OXSR1: variants seen among roughly 807,000 people sequenced by gnomAD.
OXSR1 encodes oxidative stress responsive kinase 1.
Under a neutral mutation model 79.8 loss-of-function variants are expected in OXSR1, and 24 were observed. That is an observed-to-expected ratio of 0.30 (90% CI 0.22 to 0.42). The LOEUF is 0.42. OXSR1 is among the 10% of genes least tolerant of loss of function. OXSR1 has a pLI of 1.00. For synonymous variants in OXSR1, 226 were observed against 209.2 expected (o/e 1.08, Z -0.69); for missense variants, 430 against 618.4 (o/e 0.70, Z 3.23).
Position 38,190,811 on chromosome 3 carries a change from G to C in OXSR1, c.264G>C (p.Leu88=). ...CATCTTTTGTGGTAAAAGATGAGCT[G>C]TGGCTTGTCATGAAGCTGCTAAGTG... ...YYTSFVVKDE[L]WLVMKLLSGG... The change falls in exon 3 of 18, where the codon CTG becomes CTC. Residue 88 remains leucine, a synonymous_variant. Coordinates refer to ENST00000311806, the MANE Select transcript of OXSR1 (RefSeq NM_005109.3). The C allele has an allele frequency of 6.2e-7, 1 of 1,604,462 alleles. No individual in the cohort carries two copies. Among genetic ancestry groups the C allele is most frequent in the Non-Finnish European group, 8.5e-7 (1 of 1,171,410 alleles).
chr3:38,252,854 G>A lies in OXSR1; in HGVS notation c.1547G>A (p.Gly516Asp), dbSNP rs1328112515. ...GAAGGCTCAGATATTCCTGATGATGGTAAACTGATAGGATTTGCCCAGCTC... is the reference window on the plus strand; with the variant it reads ...GAAGGCTCAGATATTCCTGATGATGATAAACTGATAGGATTTGCCCAGCTC... ...GVEGSDIPDD[G>D]KLIGFAQLSI... is the part of the protein sequence containing the mutation. The change falls in exon 18 of 18, where the codon GGT (glycine) becomes GAT (aspartate). Residue 516 changes from glycine to aspartate, a missense_variant. Physicochemically the swap from Gly to Asp is moderately conservative, Grantham distance 94. Coordinates refer to ENST00000311806, the MANE Select transcript of OXSR1 (RefSeq NM_005109.3). 2 of 1,613,762 alleles carry A rather than the reference G, an allele frequency of 1.2e-6. No individual in the cohort carries two copies. Among genetic ancestry groups the A allele is most frequent in the Non-Finnish European group, 1.7e-6 (2 of 1,179,750 alleles).
upstream of OXSR1, chr3:38,165,421 CT>C (rs1163030778): frequency 2.6e-4 from 47 of 177,532 alleles, no homozygotes; most frequent in Middle Eastern, 2.5e-3. Flanking sequence ...AGCTTGCTCA[CT>C]TTACATCCAG....
chr3:38,183,876 T>C (rs1359401576), intron 2 of OXSR1, among the ~76,000 whole-genome samples: 1 of 152,200 alleles, frequency 6.6e-6, no homozygotes, highest in Non-Finnish European at 1.5e-5. Context: ...GAAATTAGTT[T>C]TTAAAATTAC....
intron 4 of OXSR1, among the ~76,000 whole-genome samples, chr3:38,210,999 T>C (rs536779663): frequency 1.3e-5 from 2 of 152,300 alleles, no homozygotes; most frequent in South Asian, 4.1e-4. Context: ...GGGTAGTTGA[T>C]AGATGCAACA....
At chr3:38,235,498 C>G (rs1016385721) in intron 10 of OXSR1, among the ~76,000 whole-genome samples, 1 of 152,084 alleles carries the variant, frequency 6.6e-6, no homozygotes, top group Admixed American at 6.5e-5. Flanking sequence ...CAAAATAATT[C>G]AAGAAAAATG....
intron 1 of OXSR1, among the ~76,000 whole-genome samples, chr3:38,179,535 A>G (rs1341045219): frequency 1.3e-5 from 2 of 152,226 alleles, no homozygotes; most frequent in African/African-American, 2.4e-5. Context: ...ACAATTCAGC[A>G]TACTTACAGA....
At position 38,254,612 on chromosome 3, in the gene OXSR1, G is replaced by A. The variant is rs748830548; in HGVS notation, c.*1721G>A. 1 of 192,912 alleles carries A rather than the reference G, an allele frequency of 5.2e-6. No individual in the cohort carries two copies. The highest frequency in any genetic ancestry group is 1.1e-5 in the Non-Finnish European group (1 of 94,998). 12.0% of individuals were successfully genotyped at this position (192,912 alleles called of 1,614,324 possible). ...CTTTTCTTTTTCTTTTTTTGTGGAG[G>A]GGGGACGGAGAGGAACAAGGATGGG... is the stretch of plus-strand genomic sequence containing the variant. On this transcript the variant is annotated 3_prime_UTR_variant, in exon 18 of 18. Transcript: ENST00000311806.
chr3:38,249,872 T>G, intron 14 of OXSR1, 94 bp from the exon 15 acceptor site: 1 of 787,988 alleles, frequency 1.3e-6, no homozygotes, highest in Non-Finnish European at 2.2e-6. Context: ...CAAAACAGAC[T>G]TTCTTGAGGC....
intron 11 of OXSR1, among the ~76,000 whole-genome samples, chr3:38,242,536 A>G (rs1703056366): frequency 6.6e-6 from 1 of 152,204 alleles, no homozygotes; most frequent in Non-Finnish European, 1.5e-5. Flanking sequence ...ACATTGATGT[A>G]TTTGTTACAG....
chr3:38,239,669 C>G (rs1177056068), intron 11 of OXSR1, among the ~76,000 whole-genome samples: 1 of 152,194 alleles, frequency 6.6e-6, no homozygotes, highest in Non-Finnish European at 1.5e-5. Flanking sequence ...CTCACATGCA[C>G]TCGTTGATAA....
At chr3:38,198,233 C>T (rs982374987) in intron 3 of OXSR1, among the ~76,000 whole-genome samples, 2 of 152,058 alleles carry the variant, frequency 1.3e-5, no homozygotes, top group African/African-American at 4.8e-5. Context: ...AATTTATTAA[C>T]CTGAAAAATA....
intron 1 of OXSR1, among the ~76,000 whole-genome samples, chr3:38,173,447 G>A: frequency 6.6e-6 from 1 of 152,116 alleles, no homozygotes; most frequent in Non-Finnish European, 1.5e-5. Context: ...CTAACTAACT[G>A]TATGACCTAA....
At chr3:38,173,124 G>C (rs1488624298) in intron 1 of OXSR1, among the ~76,000 whole-genome samples, 5 of 152,198 alleles carry the variant, frequency 3.3e-5, no homozygotes, top group Non-Finnish European at 7.3e-5. Flanking sequence ...GGCCAGAACT[G>C]TATAATTTGG....
intron 14 of OXSR1, among the ~76,000 whole-genome samples, chr3:38,249,435 A>G (rs960109541): frequency 6.6e-6 from 1 of 152,140 alleles, no homozygotes; most frequent in South Asian, 2.1e-4. Flanking sequence ...TAAGTCCTAT[A>G]TAAAAACTAC....
intron 17 of OXSR1, 53 bp from the exon 18 acceptor site, chr3:38,252,764 C>A (rs1271239135): frequency 7.0e-7 from 1 of 1,427,108 alleles, no homozygotes; most frequent in African/African-American, 1.4e-5. Context: ...TTATTTGCTA[C>A]CTGCAAGTTT....
At chr3:38,195,613 A>G (rs1186201928) in intron 3 of OXSR1, among the ~76,000 whole-genome samples, 2 of 152,224 alleles carry the variant, frequency 1.3e-5, no homozygotes, top group African/African-American at 4.8e-5. Flanking sequence ...TTGATTTTAT[A>G]TTTAAAGAGT....
intron 2 of OXSR1, among the ~76,000 whole-genome samples, chr3:38,187,784 C>G (rs1207827464): frequency 2.6e-5 from 4 of 152,052 alleles, no homozygotes. Context: ...CGGAGTCTCA[C>G]TCTGTTGCCC....
Position 38,187,130 on chromosome 3 carries a change from A to G in OXSR1, c.184-3601A>G, listed in dbSNP as rs183476953. On this transcript the variant is annotated intron_variant, in intron 2 of 17. Transcript: ENST00000311806. Reference sequence around the variant, plus strand: ...ACAACTTTATAAAACTTTGAAAATAAGACCCTCACTAAGAGAGATACATTC... The same window carrying G: ...ACAACTTTATAAAACTTTGAAAATAGGACCCTCACTAAGAGAGATACATTC... 6.9e-4 allele frequency among the ~76,000 whole-genome samples: 105 copies of G among 152,352 alleles called. 1 individual carries two copies. The highest frequency in any genetic ancestry group is 4.3e-3 in the Admixed American group (66 of 15,304).
chr3:38,213,421 C>T (rs985891468), intron 4 of OXSR1, among the ~76,000 whole-genome samples: 2 of 152,020 alleles, frequency 1.3e-5, no homozygotes, highest in African/African-American at 4.8e-5. Flanking sequence ...ACAAAGAAAA[C>T]GTGAAAAACT....
Sources: gnomAD v4.1 joint callset for allele counts (sites outside exome capture counted in the v4.1 genomes callset) on GRCh38, gnomAD v4.1.1 for gene constraint, MANE v1.5 for transcripts, NCBI Gene and HGNC (gene_info 2026-07-23, HGNC 2026-07-21) for gene names.